Variants in PCDHA1 observed in about 807,000 individuals in gnomAD.
The protein encoded by PCDHA1 is protocadherin alpha 1, also known as protocadherin alpha-1.
In PCDHA1, 42 loss-of-function variants were observed where a neutral mutation model predicts 61.3. That is an observed-to-expected ratio of 0.69 (90% CI 0.54 to 0.89). The LOEUF is 0.89. PCDHA1 is among the 40% of genes least tolerant of loss of function. PCDHA1 has a pLI of 0.00. For synonymous variants in PCDHA1, 610 were observed against 553.8 expected, an observed-to-expected ratio of 1.10 and a Z score of -1.43; for missense variants, 1,256 against 1,235.3, an observed-to-expected ratio of 1.02 and a Z score of -0.25.
At chr5:140,948,957 C>G (rs1338643900) in intron 1 of PCDHA1, among the ~76,000 whole-genome samples, 2 of 151,542 alleles carry the variant, frequency 1.3e-5, no homozygotes, top group Admixed American at 1.3e-4. Context: ...AAATTAAAGC[C>G]ACGAATTTAT....
intron 1 of PCDHA1, among the ~76,000 whole-genome samples, chr5:140,910,353 A>G (rs938677700): frequency 1.1e-4 from 16 of 152,306 alleles, no homozygotes; most frequent in African/African-American, 3.8e-4. Context: ...TCTGCTGTCC[A>G]TTATGGTAGC....
At position 140,920,535 on chromosome 5, in the gene PCDHA1, T is replaced by C. The variant is rs75447697; in HGVS notation, c.2395-58414T>C. ...TATGCAATTCGTTAGACTCAGGTTT[T>C]CTATTTCACCTTCGAAGTGTGGCCC... is the stretch of plus-strand genomic sequence containing the variant. On this transcript the variant is annotated intron_variant, in intron 1 of 3. Transcript: ENST00000504120. Among the ~76,000 whole-genome samples the C allele has an allele frequency of 1.3e-3, 198 of 152,336 alleles. 1 individual carries two copies. Among genetic ancestry groups the C allele is most frequent in the African/African-American group, 4.5e-3 (189 of 41,590 alleles).
chr5:140,825,728 AT>A (rs1436730306), intron 1 of PCDHA1: 1 of 152,384 alleles, frequency 6.6e-6, no homozygotes, highest in Non-Finnish European at 1.5e-5. Context: ...GGCCTAAATT[AT>A]TATATTGATG....
At chr5:140,977,104 A>C (rs2096746104) in intron 1 of PCDHA1, among the ~76,000 whole-genome samples, 1 of 152,242 alleles carries the variant, frequency 6.6e-6, no homozygotes, top group Admixed American at 6.5e-5. Flanking sequence ...TGGGGAAGTG[A>C]GATTGTATAA....
Position 140,979,220 on chromosome 5 carries a change from C to T in PCDHA1, c.2453+213C>T, listed in dbSNP as rs552719327. ...TATCAAGTGCTGGCATATAAGAGTC[C>T]TCTGTAAAATCACAGAAACAGGCTG... On this transcript the variant is annotated intron_variant, in intron 2 of 3. Transcript: ENST00000504120. Among the ~76,000 whole-genome samples, 27 of 152,304 alleles carry T rather than the reference C, an allele frequency of 1.8e-4. 1 individual carries two copies. The highest frequency in any genetic ancestry group is 6.3e-4 in the African/African-American group (26 of 41,574).
At chr5:140,811,136 C>T (rs1764801862) in intron 1 of PCDHA1, 1 of 152,180 alleles carries the variant, frequency 6.6e-6, no homozygotes, top group South Asian at 2.1e-4. Context: ...TTAGGTATTT[C>T]TCCTAATGCT....
At chr5:140,954,183 A>T (rs246025) in intron 1 of PCDHA1, among the ~76,000 whole-genome samples, 85,732 of 152,134 alleles carry the variant, frequency 0.56, 24,791 homozygotes, top group African/African-American at 0.69. Flanking sequence ...CCAGTCTATC[A>T]TTGATGGGCA....
chr5:141,002,173 C>T (rs1442739241), intron 3 of PCDHA1, among the ~76,000 whole-genome samples: 2 of 152,192 alleles, frequency 1.3e-5, no homozygotes, highest in Non-Finnish European at 2.9e-5. Flanking sequence ...TAGGCAGGCT[C>T]CAGAGTGCTG....
At chr5:140,855,112 C>T (rs2043341257) in intron 1 of PCDHA1, among the ~76,000 whole-genome samples, 1 of 149,738 alleles carries the variant, frequency 6.7e-6, no homozygotes, top group South Asian at 2.1e-4. Flanking sequence ...ATAATTAAGG[C>T]ATTCTATAGG....
chr5:140,858,114 T>C, intron 1 of PCDHA1: 1 of 1,597,256 alleles, frequency 6.3e-7, no homozygotes, highest in Non-Finnish European at 8.6e-7. Flanking sequence ...GCGCCCGAGG[T>C]GGCCCTGGTG....
At chr5:140,845,856 G>A (rs1378548542) in intron 1 of PCDHA1, among the ~76,000 whole-genome samples, 1 of 149,684 alleles carries the variant, frequency 6.7e-6, no homozygotes, top group Non-Finnish European at 1.5e-5. Flanking sequence ...AGAAGTTAGT[G>A]ATTGCAGAAA....
At chr5:140,875,807 G>A in intron 1 of PCDHA1, 1 of 1,614,206 alleles carries the variant, frequency 6.2e-7, no homozygotes, top group South Asian at 1.1e-5. Flanking sequence ...ATCGTGGACA[G>A]GCCGCTGCAG....
chr5:140,850,924 T>A (rs2150502629), intron 1 of PCDHA1: 3 of 1,517,174 alleles, frequency 2.0e-6, no homozygotes, highest in Non-Finnish European at 1.8e-6. Flanking sequence ...ATTTATATAA[T>A]TTTTTTTCTT....
At chr5:140,855,023 G>T (rs115040572) in intron 1 of PCDHA1, among the ~76,000 whole-genome samples, 1 of 149,492 alleles carries the variant, frequency 6.7e-6, no homozygotes, top group African/African-American at 2.4e-5. Context: ...GAAACTTCTT[G>T]TATAAAGGAT....
In PCDHA1 at chr5:140,830,543, C is replaced by T. The variant is rs2150187615; in HGVS notation, c.2394+41859C>T. The T allele has an allele frequency of 2.5e-6, 3 of 1,178,256 alleles. No individual in the cohort carries two copies. In the South Asian group the frequency reaches 6.5e-5, roughly 25 times the overall value. 73.0% of individuals were successfully genotyped at this position (1,178,256 alleles called of 1,614,324 possible). On this transcript the variant is annotated intron_variant, in intron 1 of 3. Transcript: ENST00000504120. ...TTATTTTAAATTTATAATTGTTTTCCTCATATTTGTCTTCTATATTTCTGT... is the reference window on the plus strand; with the variant it reads ...TTATTTTAAATTTATAATTGTTTTCTTCATATTTGTCTTCTATATTTCTGT...
chr5:140,836,527 T>A (rs781797304), intron 1 of PCDHA1: 1 of 1,613,732 alleles, frequency 6.2e-7, no homozygotes, highest in African/African-American at 1.3e-5. Flanking sequence ...GTGCTTACCC[T>A]GCTGCTGTAC....
At position 140,819,729 on chromosome 5, in the gene PCDHA1, A is replaced by T. The variant is rs1430580335; in HGVS notation, c.2394+31045A>T. On this transcript the variant is annotated intron_variant, in intron 1 of 3. Coordinates refer to ENST00000504120, the MANE Select transcript of PCDHA1 (RefSeq NM_018900.4). ...AAGTAAATATAATTTAACAGATATG[A>T]AAGTGAATCAAAAGTCAAGAGTCTT... 4.6e-5 allele frequency among the ~76,000 whole-genome samples: 7 copies of T among 152,228 alleles called. No individual in the cohort carries two copies. In the East Asian group the frequency reaches 1.2e-3, roughly 25 times the overall value.
Position 140,788,178 on chromosome 5 carries a change from G to A in PCDHA1, c.1888G>A (p.Glu630Lys), listed in dbSNP as rs1554118172. ...IPFRVGLYTG[E>K]ISTTRVLDEA... Reference sequence around the variant, plus strand: ...GTTCCGCGTGGGGCTGTACACGGGCGAGATCAGCACGACTCGTGTCCTGGA... The same window carrying A: ...GTTCCGCGTGGGGCTGTACACGGGCAAGATCAGCACGACTCGTGTCCTGGA... The change falls in exon 1 of 4, where the codon GAG (glutamate) becomes AAG (lysine). Residue 630 changes from glutamate (E) to lysine (K), a missense_variant. By Grantham distance (56) the Glu-to-Lys change is moderately conservative. Transcript: ENST00000504120. The A allele has an allele frequency of 1.9e-6, 3 of 1,614,040 alleles. No homozygotes were observed. The highest frequency in any genetic ancestry group is 2.2e-5 in the South Asian group (2 of 91,080).
At chr5:140,974,098 T>C (rs1316262429) in intron 1 of PCDHA1, among the ~76,000 whole-genome samples, 1 of 152,262 alleles carries the variant, frequency 6.6e-6, no homozygotes, top group Non-Finnish European at 1.5e-5. Flanking sequence ...AATCAAAGGT[T>C]AAAAGTATTC....
Sources: gnomAD v4.1 joint callset for allele counts (sites outside exome capture counted in the v4.1 genomes callset) on GRCh38, gnomAD v4.1.1 for gene constraint, MANE v1.5 for transcripts, NCBI Gene and HGNC (gene_info 2026-07-23, HGNC 2026-07-21) for gene names.